Variants in NDST3 observed in about 807,000 individuals in gnomAD.
The protein encoded by NDST3 is N-deacetylase and N-sulfotransferase 3.
Under a neutral mutation model 96.1 loss-of-function variants are expected in NDST3, and 58 were observed. The observed-to-expected ratio is 0.60, with a 90% CI of 0.49 to 0.75. The LOEUF (loss-of-function observed/expected upper bound fraction) is 0.75. NDST3 is among the 30% of genes least tolerant of loss of function. NDST3 has a pLI of 0.00. For synonymous variants in NDST3, 333 were observed against 359.7 expected (o/e 0.93, Z 0.84); for missense variants, 788 against 1,034.2 (o/e 0.76, Z 3.27).
At chr4:118,123,196 G>A (rs935108124) in intron 4 of NDST3, among the ~76,000 whole-genome samples, 8 of 152,056 alleles carry the variant, frequency 5.3e-5, no homozygotes, top group African/African-American at 1.7e-4. Flanking sequence ...CTGTCCTGGT[G>A]GCTTTTATAA....
At chr4:118,070,088 A>G (rs913105017) in intron 2 of NDST3, among the ~76,000 whole-genome samples, 2 of 152,132 alleles carry the variant, frequency 1.3e-5, no homozygotes, top group African/African-American at 4.8e-5. Flanking sequence ...TGGCAATGAA[A>G]TAAGAATGCA....
intron 8 of NDST3, among the ~76,000 whole-genome samples, chr4:118,228,258 T>C (rs1740037648): frequency 6.6e-6 from 1 of 152,186 alleles, no homozygotes; most frequent in Non-Finnish European, 1.5e-5. Context: ...TCCTTATCTA[T>C]CTAAAGTCAA....
chr4:118,091,111 G>A (rs1034813376), intron 2 of NDST3, among the ~76,000 whole-genome samples: 4 of 151,498 alleles, frequency 2.6e-5, no homozygotes, highest in Admixed American at 2.0e-4. Context: ...GAAGAGAGCA[G>A]TAGATATAGA....
intron 6 of NDST3, among the ~76,000 whole-genome samples, chr4:118,223,694 C>T (rs1053537998): frequency 2.0e-5 from 3 of 152,068 alleles, no homozygotes; most frequent in Admixed American, 6.6e-5. Flanking sequence ...CTTTCAGCCT[C>T]TTAATGAATG....
At chr4:118,040,568 C>T (rs948855741) in intron 1 of NDST3, among the ~76,000 whole-genome samples, 2 of 152,076 alleles carry the variant, frequency 1.3e-5, no homozygotes, top group Non-Finnish European at 2.9e-5. Context: ...AGTGTACTTT[C>T]ATTGGTCATC....
At chr4:118,100,799 T>A (rs751657350) in intron 2 of NDST3, among the ~76,000 whole-genome samples, 1 of 152,170 alleles carries the variant, frequency 6.6e-6, no homozygotes, top group Non-Finnish European at 1.5e-5. Flanking sequence ...ACTATGTAAA[T>A]CATGTCTACC....
intron 4 of NDST3, among the ~76,000 whole-genome samples, chr4:118,117,967 A>C (rs1217263422): frequency 6.6e-6 from 1 of 152,196 alleles, no homozygotes; most frequent in African/African-American, 2.4e-5. Context: ...GAAGTTCCCT[A>C]ATATAGGCAG....
chr4:118,090,517 T>G (rs1434647651), intron 2 of NDST3, among the ~76,000 whole-genome samples: 1 of 151,954 alleles, frequency 6.6e-6, no homozygotes, highest in Non-Finnish European at 1.5e-5. Flanking sequence ...TAATGAACTT[T>G]CTTTCTATTT....
chr4:118,210,848 C>T (rs1333831230), intron 6 of NDST3, among the ~76,000 whole-genome samples: 2 of 151,434 alleles, frequency 1.3e-5, no homozygotes, highest in Non-Finnish European at 2.9e-5. Flanking sequence ...GAGTCACTGG[C>T]TACCAAAGGA....
At chr4:118,251,225 C>G (rs1741710762) in intron 12 of NDST3, among the ~76,000 whole-genome samples, 1 of 147,716 alleles carries the variant, frequency 6.8e-6, no homozygotes, top group East Asian at 2.0e-4. Context: ...CTCCCGGGTT[C>G]ACGCCATTCT....
chr4:118,161,344 G>A (rs1415404607), intron 6 of NDST3, among the ~76,000 whole-genome samples: 1 of 152,232 alleles, frequency 6.6e-6, no homozygotes, highest in Admixed American at 6.5e-5. Context: ...TGAGGAGGCA[G>A]TCTACCCATT....
intron 6 of NDST3, among the ~76,000 whole-genome samples, chr4:118,206,476 G>T (rs1415695478): frequency 6.9e-6 from 1 of 144,308 alleles, no homozygotes; most frequent in Admixed American, 6.9e-5. Context: ...ATAGAACAAG[G>T]AATGATTCAA....
chr4:118,127,474 G>A (rs1252624158), intron 4 of NDST3, among the ~76,000 whole-genome samples: 1 of 151,922 alleles, frequency 6.6e-6, no homozygotes, highest in Non-Finnish European at 1.5e-5. Flanking sequence ...TATGTTCTTG[G>A]CACCTTTGTC....
At chr4:118,039,434 C>T (rs1724324774) in intron 1 of NDST3, among the ~76,000 whole-genome samples, 1 of 152,142 alleles carries the variant, frequency 6.6e-6, no homozygotes, top group African/African-American at 2.4e-5. Flanking sequence ...AACAAATATT[C>T]AATGGGCTAT....
chr4:118,200,751 T>C (rs1738022592), intron 6 of NDST3, among the ~76,000 whole-genome samples: 1 of 152,214 alleles, frequency 6.6e-6, no homozygotes, highest in Non-Finnish European at 1.5e-5. Flanking sequence ...CATCCATAGA[T>C]GAGAGTAATT....
chr4:118,235,596 G>A (rs917542801), intron 9 of NDST3, among the ~76,000 whole-genome samples: 5 of 152,114 alleles, frequency 3.3e-5, no homozygotes, highest in Admixed American at 2.0e-4. Flanking sequence ...TGTGATTTTT[G>A]AAGCCTTTTT....
At chr4:118,227,130 T>C in intron 8 of NDST3, 148 bp downstream of exon 8, 1 of 620,240 alleles carries the variant, frequency 1.6e-6, no homozygotes, top group Non-Finnish European at 2.8e-6. Context: ...TTTAGCCCAG[T>C]AATATACCTA....
At chr4:118,119,531 T>G (rs912283136) in intron 4 of NDST3, among the ~76,000 whole-genome samples, 1 of 152,168 alleles carries the variant, frequency 6.6e-6, no homozygotes, top group Non-Finnish European at 1.5e-5. Flanking sequence ...TAGGCCACTT[T>G]AGAGTAATTC....
intron 6 of NDST3, among the ~76,000 whole-genome samples, chr4:118,158,693 T>C (rs1734875506): frequency 6.6e-6 from 1 of 152,214 alleles, no homozygotes; most frequent in African/African-American, 2.4e-5. Context: ...AATAGAGAAA[T>C]CTGACAGTTT....
Sources: gnomAD v4.1 joint callset for allele counts (sites outside exome capture counted in the v4.1 genomes callset) on GRCh38, gnomAD v4.1.1 for gene constraint, MANE v1.5 for transcripts, NCBI Gene and HGNC (gene_info 2026-07-23, HGNC 2026-07-21) for gene names.